Variants in CTPS1 observed in about 807,000 individuals in gnomAD.
The protein encoded by CTPS1 is CTP synthase 1, also known as CTP synthetase 1.
In CTPS1, 25 loss-of-function variants were observed where a neutral mutation model predicts 80.5. The ratio of observed to expected loss-of-function variants is 0.31; its 90% CI spans 0.23 to 0.43. The LOEUF is 0.43. Ranked by LOEUF, CTPS1 falls within the 20% of genes least tolerant of loss-of-function variation. CTPS1 has a pLI of 1.00. For missense variants in CTPS1, 442 were observed against 725.7 expected, an observed-to-expected ratio of 0.61 and a Z score of 4.49; for synonymous variants, 267 against 252.5, an observed-to-expected ratio of 1.06 and a Z score of -0.54.
chr1:40,980,352 G>T (rs1651820616), intron 1 of CTPS1: 1 of 152,120 alleles, frequency 6.6e-6, no homozygotes, highest in Non-Finnish European at 1.5e-5. Flanking sequence ...AGGACGAGGG[G>T]GCCTGCGAAC....
At chr1:40,988,773 G>A (rs970935789) in intron 5 of CTPS1, 63 bp downstream of exon 5, 65 of 1,110,190 alleles carry the variant, frequency 5.9e-5, no homozygotes, top group Non-Finnish European at 7.8e-5. Flanking sequence ...AAGGTAAACC[G>A]GAATGATTTT....
intron 12 of CTPS1, chr1:41,004,084 C>G (rs542983925): frequency 6.6e-6 from 1 of 152,292 alleles, no homozygotes; most frequent in Non-Finnish European, 1.5e-5. Flanking sequence ...AGCCCCGAGC[C>G]GGCAGGGGAG....
intron 3 of CTPS1, among the ~76,000 whole-genome samples, chr1:40,985,829 T>A (rs951232031): frequency 4.6e-5 from 7 of 152,164 alleles, no homozygotes; most frequent in Non-Finnish European, 8.8e-5. Flanking sequence ...AATTAACCTC[T>A]TCAAAATGTG....
intron 3 of CTPS1, among the ~76,000 whole-genome samples, chr1:40,985,210 ACTT>A (rs1490775181): frequency 3.9e-5 from 6 of 152,252 alleles, no homozygotes; most frequent in African/African-American, 1.4e-4. Context: ...TTGAAGAACT[ACTT>A]CTTCGTTGAA....
rs774801788 is a variant in CTPS1 at position 40,995,901 on chromosome 1, G to C, written c.721-16G>C. On this transcript the variant is annotated splice_polypyrimidine_tract_variant and intron_variant, in intron 7 of 18. Transcript: ENST00000650070. Reference sequence around the variant, plus strand: ...AGTTTTTGCTTTTATTTAATAACTTGCTTTTTTCTAAACAGGTGATCTGTG... The same window carrying C: ...AGTTTTTGCTTTTATTTAATAACTTCCTTTTTTCTAAACAGGTGATCTGTG... The C allele has an allele frequency of 6.2e-7, 1 of 1,604,944 alleles. No homozygotes were observed. The highest frequency in any genetic ancestry group is 1.1e-5 in the South Asian group (1 of 89,988).
intron 14 of CTPS1, among the ~76,000 whole-genome samples, chr1:41,008,258 T>C (rs1643084203): frequency 1.3e-5 from 2 of 152,184 alleles, no homozygotes; most frequent in South Asian, 2.1e-4. Context: ...ATGACCATGA[T>C]TGGAACTGAA....
chr1:41,002,315 C>T (rs112846411), intron 11 of CTPS1, 61 bp downstream of exon 11: 16 of 1,357,438 alleles, frequency 1.2e-5, no homozygotes, highest in Middle Eastern at 4.3e-4. Flanking sequence ...AACGGTGCCA[C>T]GTGGGAGCCT....
chr1:40,991,017 T>C (rs11209331), intron 5 of CTPS1, 148 bp from the exon 6 acceptor site: 254,924 of 627,494 alleles, frequency 0.41, 53,741 homozygotes, highest in Admixed American at 0.52. Flanking sequence ...AATGCATGCA[T>C]GTGTAACTTT....
chr1:41,000,548 C>T (rs756225627), intron 9 of CTPS1, among the ~76,000 whole-genome samples: 4 of 152,010 alleles, frequency 2.6e-5, no homozygotes, highest in African/African-American at 7.3e-5. Flanking sequence ...CCACCACGCC[C>T]GGCTCATTCT....
intron 16 of CTPS1, 114 bp downstream of exon 16, chr1:41,009,004 C>A: frequency 1.2e-6 from 1 of 857,190 alleles, no homozygotes; most frequent in Non-Finnish European, 1.9e-6. Context: ...TAGGAAGCAG[C>A]ACTGTCTCAT....
intron 12 of CTPS1, among the ~76,000 whole-genome samples, chr1:41,003,692 G>T (rs1221232237): frequency 1.3e-5 from 2 of 152,226 alleles, no homozygotes; most frequent in African/African-American, 4.8e-5. Flanking sequence ...CTCTAGTAGT[G>T]CCTGGAAAAT....
rs575379674 is a variant in CTPS1, at chr1:41,009,692, A to C, written c.1691+103A>C. The C allele has an allele frequency of 1.7e-4, 239 of 1,417,424 alleles. 1 individual carries two copies. The African/African-American group carries it at 3.2e-3, about 19-fold the overall frequency. 87.8% of individuals were successfully genotyped at this position (1,417,424 alleles called of 1,614,324 possible). On this transcript the variant is annotated intron_variant, in intron 17 of 18. Coordinates refer to ENST00000650070, the MANE Select transcript of CTPS1 (RefSeq NM_001905.4). ...CGTCACAGTCAGTCATAAGAAAAAA[A>C]AGCCACAGGCGCCTGGGGTGAAAGT...
chr1:40,981,929 A>G, intron 1 of CTPS1: 3 of 1,255,814 alleles, frequency 2.4e-6, no homozygotes, highest in Non-Finnish European at 3.1e-6. Flanking sequence ...TCCTTAGTTT[A>G]TTTTTATCAT....
chr1:40,986,363 C>G (rs1016713710), intron 3 of CTPS1, among the ~76,000 whole-genome samples: 1 of 152,188 alleles, frequency 6.6e-6, no homozygotes, highest in African/African-American at 2.4e-5. Flanking sequence ...GCCGGCATAG[C>G]TAAGGCAGAG....
At chr1:41,010,296 A>C in intron 18 of CTPS1, 42 bp downstream of exon 18, 3 of 1,357,982 alleles carry the variant, frequency 2.2e-6, no homozygotes, top group Non-Finnish European at 3.1e-6. Context: ...AAACATGGTG[A>C]TAACACACTG....
chr1:40,984,727 C>G (rs1642408341), intron 2 of CTPS1, 94 bp from the exon 3 acceptor site: 1 of 996,294 alleles, frequency 1.0e-6, no homozygotes, highest in Admixed American at 3.0e-5. Context: ...CGTAATTGCA[C>G]ACCTTGTTAA....
chr1:41,007,650 T>A lies in CTPS1; in HGVS notation c.1393+105T>A. 1 of 864,860 alleles carries A rather than the reference T, an allele frequency of 1.2e-6. No individual in the cohort carries two copies. The highest frequency in any genetic ancestry group is 1.9e-6 in the Non-Finnish European group (1 of 538,676). The allele number at this position is 864,860 out of a possible 1,614,324, so 53.6% of individuals were successfully genotyped here. ...AGGAGCAGGCTGGCTTTTTTTGGTT[T>A]CGTTCTTGCTTTTGAAGTTCATTCT... On this transcript the variant is annotated intron_variant, in intron 14 of 18. Transcript: ENST00000650070. This position sits in a 1 kb window ranked among gnomAD's most constrained non-coding sequence, Gnocchi z 4.4.
At chr1:40,985,117 A>G (rs1642420177) in intron 3 of CTPS1, 126 bp downstream of exon 3, 2 of 565,928 alleles carry the variant, frequency 3.5e-6, no homozygotes, top group Non-Finnish European at 5.4e-6. Flanking sequence ...TGATTTCAGC[A>G]TGAAACTCTC....
Position 40,985,006 on chromosome 1 carries a change from A to G in CTPS1, c.337+15A>G. On this transcript the variant is annotated intron_variant, in intron 3 of 18. Transcript: ENST00000650070. Reference sequence around the variant, plus strand: ...AACTGTCCAAGGTAATACTGGATTTACCTTTAAAGCTTAAAAGTCTTAACC... The same window carrying G: ...AACTGTCCAAGGTAATACTGGATTTGCCTTTAAAGCTTAAAAGTCTTAACC... 1 of 1,532,968 alleles carries G rather than the reference A, an allele frequency of 6.5e-7. No homozygotes were observed. Among genetic ancestry groups the G allele is most frequent in the Non-Finnish European group, 8.9e-7 (1 of 1,129,510 alleles). 95.0% of individuals were successfully genotyped at this position (1,532,968 alleles called of 1,614,324 possible). A position where few individuals can be genotyped will look rare whatever the true frequency, so the allele number is the denominator to read the frequency against.
Sources: allele counts gnomAD v4.1 joint callset (sites outside exome capture counted in the v4.1 genomes callset), GRCh38; gene constraint gnomAD v4.1.1; non-coding constraint Gnocchi (gnomAD v3.1); transcripts MANE v1.5; gene names NCBI Gene and HGNC (gene_info 2026-07-23, HGNC 2026-07-21).